The following CDH8 variants were observed in gnomAD, a reference collection of about 807,000 sequenced individuals.
CDH8 encodes the protein cadherin-8.
A neutral mutation model predicts 68.1 loss-of-function variants in CDH8; 17 were observed. The ratio of observed to expected loss-of-function variants is 0.25; its 90% CI spans 0.17 to 0.37. CDH8 has a LOEUF of 0.37. CDH8 is among the 10% of genes least tolerant of loss of function. The pLI, the probability that CDH8 is intolerant of heterozygous loss-of-function variation, is 1.00. For synonymous variants in CDH8, 372 were observed against 365.1 expected, an observed-to-expected ratio of 1.02 and a Z score of -0.21; for missense variants, 763 against 999.3, an observed-to-expected ratio of 0.76 and a Z score of 3.19.
intron 10 of CDH8, among the ~76,000 whole-genome samples, chr16:61,674,956 A>G (rs1369973322): frequency 1.3e-5 from 2 of 151,782 alleles, no homozygotes; most frequent in East Asian, 1.9e-4. Context: ...AAAAAAAAAA[A>G]ACAAAAAAAC....
intron 2 of CDH8, among the ~76,000 whole-genome samples, chr16:61,927,804 A>T (rs1964478727): frequency 6.6e-6 from 1 of 152,230 alleles, no homozygotes; most frequent in African/African-American, 2.4e-5. Context: ...CATGATACTG[A>T]AGCCTCAATG....
At chr16:61,656,732 C>G (rs1963456039) in intron 10 of CDH8, among the ~76,000 whole-genome samples, 1 of 152,136 alleles carries the variant, frequency 6.6e-6, no homozygotes, top group Non-Finnish European at 1.5e-5. Context: ...TTGTCTGGAG[C>G]AACAGTTAAG....
intron 3 of CDH8, among the ~76,000 whole-genome samples, chr16:61,879,700 T>C (rs1266828351): frequency 6.6e-6 from 1 of 152,128 alleles, no homozygotes; most frequent in Non-Finnish European, 1.5e-5. Flanking sequence ...ATTTTCTTAG[T>C]TCTACCCTCC....
chr16:61,758,698 T>A (rs1280338151), intron 8 of CDH8, among the ~76,000 whole-genome samples: 4 of 152,116 alleles, frequency 2.6e-5, no homozygotes, highest in Non-Finnish European at 4.4e-5. Flanking sequence ...TTCCCAATGT[T>A]TGAGTTTGAA....
chr16:61,916,828 C>A (rs1037149921), intron 2 of CDH8, among the ~76,000 whole-genome samples: 4 of 151,904 alleles, frequency 2.6e-5, no homozygotes, highest in African/African-American at 7.3e-5. Context: ...TTGGGGGACA[C>A]GTTATTAATG....
intron 4 of CDH8, among the ~76,000 whole-genome samples, chr16:61,835,637 C>G (rs1285592343): frequency 6.6e-6 from 1 of 151,858 alleles, no homozygotes; most frequent in Non-Finnish European, 1.5e-5. Context: ...GGTGAAATTT[C>G]TTTTTTCCTA....
intron 3 of CDH8, among the ~76,000 whole-genome samples, chr16:61,872,891 A>G (rs1036414343): frequency 6.6e-6 from 1 of 152,230 alleles, no homozygotes; most frequent in African/African-American, 2.4e-5. Context: ...CACAGAAGCA[A>G]GAAGGCTGGG....
intron 2 of CDH8, among the ~76,000 whole-genome samples, chr16:62,012,115 C>T (rs768470605): frequency 6.6e-6 from 1 of 152,320 alleles, no homozygotes; most frequent in Non-Finnish European, 1.5e-5. Context: ...GTCTAGCAAA[C>T]ATTCTTAGCC....
chr16:61,803,317 C>T (rs1191226810), intron 7 of CDH8, among the ~76,000 whole-genome samples: 2 of 133,444 alleles, frequency 1.5e-5, no homozygotes, highest in African/African-American at 3.1e-5. Context: ...CTGAAGGAAG[C>T]GCTAAACATG....
intron 8 of CDH8, among the ~76,000 whole-genome samples, chr16:61,737,284 T>A (rs1372173380): frequency 6.6e-6 from 1 of 152,102 alleles, no homozygotes. Flanking sequence ...GGTTTACTAG[T>A]GGGGCACAAT....
At chr16:62,026,585 C>A (rs753703787) in intron 1 of CDH8, among the ~76,000 whole-genome samples, 2 of 152,148 alleles carry the variant, frequency 1.3e-5, no homozygotes, top group African/African-American at 2.4e-5. Context: ...TTTGGGGAAA[C>A]CTTGAACTAG....
chr16:61,679,988 A>G (rs1358483409), intron 10 of CDH8, among the ~76,000 whole-genome samples: 3 of 152,042 alleles, frequency 2.0e-5, no homozygotes, highest in Non-Finnish European at 2.9e-5. Context: ...TTCTGTGAAT[A>G]TAAGTCTTCA....
intron 2 of CDH8, among the ~76,000 whole-genome samples, chr16:61,951,537 A>G (rs574515632): frequency 1.0e-4 from 15 of 150,736 alleles, no homozygotes; most frequent in African/African-American, 2.4e-4. Context: ...AAAAGATGCC[A>G]TATGATCTTC....
chr16:61,790,491 A>G (rs1174849613), intron 7 of CDH8, among the ~76,000 whole-genome samples: 1 of 151,994 alleles, frequency 6.6e-6, no homozygotes, highest in Admixed American at 6.6e-5. Flanking sequence ...ATTGCATTTC[A>G]GGAAGAAAGA....
intron 10 of CDH8, among the ~76,000 whole-genome samples, chr16:61,683,605 G>A (rs1017436773): frequency 1.3e-4 from 20 of 151,950 alleles, no homozygotes; most frequent in African/African-American, 4.6e-4. Context: ...AGTATTAAAG[G>A]ACATTTGGGT....
chr16:61,965,555 A>G (rs1408135990), intron 2 of CDH8, among the ~76,000 whole-genome samples: 1 of 152,214 alleles, frequency 6.6e-6, no homozygotes, highest in Non-Finnish European at 1.5e-5. Flanking sequence ...CTCTCAGAAA[A>G]CTATCAGTAA....
At chr16:61,997,656 A>G (rs1231655049) in intron 2 of CDH8, among the ~76,000 whole-genome samples, 2 of 152,190 alleles carry the variant, frequency 1.3e-5, no homozygotes, top group Non-Finnish European at 2.9e-5. Flanking sequence ...CCTGACAGAC[A>G]CCATCTCAAC....
chr16:61,787,980 C>G (rs1199002433), intron 8 of CDH8, among the ~76,000 whole-genome samples: 2 of 149,084 alleles, frequency 1.3e-5, no homozygotes, highest in South Asian at 2.2e-4. Context: ...GAAGATATAC[C>G]TAATGCTAGA....
intron 3 of CDH8, among the ~76,000 whole-genome samples, chr16:61,862,111 A>G (rs923853943): frequency 6.8e-6 from 1 of 146,064 alleles, no homozygotes; most frequent in Non-Finnish European, 1.5e-5. Flanking sequence ...AAACTGCTCA[A>G]AAGAAAACAC....
Sources: allele counts gnomAD v4.1 joint callset (sites outside exome capture counted in the v4.1 genomes callset), GRCh38; gene constraint gnomAD v4.1.1; transcripts MANE v1.5; gene names NCBI Gene and HGNC (gene_info 2026-07-23, HGNC 2026-07-21).